Variants in PRLR observed in about 807,000 individuals in gnomAD.
The protein encoded by PRLR is prolactin receptor.
In PRLR, 13 loss-of-function variants were observed where a neutral mutation model predicts 40.2. The ratio of observed to expected loss-of-function variants is 0.32; its 90% CI spans 0.21 to 0.51. The LOEUF (loss-of-function observed/expected upper bound fraction) is 0.51. PRLR is among the 20% of genes least tolerant of loss of function. The pLI is 0.97. For synonymous variants in PRLR, 269 were observed against 278.7 expected (o/e 0.97, Z 0.35); for missense variants, 656 against 747.3 (o/e 0.88, Z 1.42).
chr5:35,074,392 G>A (rs1363437093), intron 5 of PRLR, among the ~76,000 whole-genome samples: 1 of 151,736 alleles, frequency 6.6e-6, no homozygotes, highest in African/African-American at 2.4e-5. Context: ...AATCTGGGAG[G>A]CAGAGGTTGC....
chr5:35,116,435 G>T (rs1342955652), intron 2 of PRLR, among the ~76,000 whole-genome samples: 1 of 152,184 alleles, frequency 6.6e-6, no homozygotes, highest in Non-Finnish European at 1.5e-5. Flanking sequence ...GAGCAATAAT[G>T]TTGTCTATGA....
At chr5:35,087,116 G>C (rs186499197) in intron 3 of PRLR, among the ~76,000 whole-genome samples, 1 of 152,076 alleles carries the variant, frequency 6.6e-6, no homozygotes, top group Admixed American at 6.6e-5. Context: ...TCAGCCTCCT[G>C]AGCAGCTGGG....
chr5:35,069,073 G>T (rs374300486), intron 7 of PRLR, among the ~76,000 whole-genome samples, 195 bp from the exon 8 acceptor site: 2 of 151,990 alleles, frequency 1.3e-5, no homozygotes, highest in African/African-American at 2.4e-5. Flanking sequence ...AATATGTTGC[G>T]TATATTTTAT....
At chr5:35,186,357 C>T (rs1321586310) in intron 1 of PRLR, among the ~76,000 whole-genome samples, 1 of 152,074 alleles carries the variant, frequency 6.6e-6, no homozygotes, top group African/African-American at 2.4e-5. Context: ...GTACACATTC[C>T]CTCTCCTCGA....
At position 35,078,006 on chromosome 5, in the gene PRLR, T is replaced by C. The variant is rs571952994; in HGVS notation, c.374-5262A>G. Among the ~76,000 whole-genome samples the C allele has an allele frequency of 1.2e-3, 183 of 152,196 alleles. 1 individual carries two copies. The highest frequency in any genetic ancestry group is 4.1e-3 in the African/African-American group (170 of 41,514). On this transcript the variant is annotated intron_variant, in intron 5 of 9. Transcript: ENST00000618457. ...AAAGAAAGATGTTCTTTGAAACCAA[T>C]GAGAACAAAGACACAACATACCAGA...
intron 5 of PRLR, among the ~76,000 whole-genome samples, chr5:35,077,592 C>A (rs961957319): frequency 6.6e-6 from 1 of 152,164 alleles, no homozygotes; most frequent in Non-Finnish European, 1.5e-5. Context: ...TAGACTCCCA[C>A]ACAATAATAA....
chr5:35,197,656 G>T (rs1004789759), intron 1 of PRLR, among the ~76,000 whole-genome samples: 3 of 152,208 alleles, frequency 2.0e-5, no homozygotes, highest in Admixed American at 6.5e-5. Flanking sequence ...GGAGGCTGAA[G>T]ATGACCCAAT....
At chr5:35,164,090 G>A (rs1000637882) in intron 1 of PRLR, among the ~76,000 whole-genome samples, 4 of 152,194 alleles carry the variant, frequency 2.6e-5, no homozygotes, top group East Asian at 1.9e-4. Context: ...CGTCAGTCAC[G>A]TCATTTTTGC....
intron 1 of PRLR, among the ~76,000 whole-genome samples, chr5:35,213,813 A>G (rs896388693): frequency 6.6e-6 from 1 of 152,174 alleles, no homozygotes; most frequent in Non-Finnish European, 1.5e-5. Context: ...CACAAAACCC[A>G]TATCATTTCA....
exon 9 of PRLR, chr5:35,048,994 C>A (rs1216467220): frequency 9.1e-6 from 4 of 441,074 alleles, no homozygotes; most frequent in East Asian, 5.6e-5. Flanking sequence ...ACCTGCATAA[C>A]AACCTTTTAC....
intron 5 of PRLR, among the ~76,000 whole-genome samples, chr5:35,073,170 G>GT (rs1358009362): frequency 1.3e-5 from 2 of 152,160 alleles, no homozygotes; most frequent in African/African-American, 2.4e-5. Context: ...GTTACACACA[G>GT]TTTTTTGTAA....
downstream of PRLR, among the ~76,000 whole-genome samples, chr5:35,055,012 G>T (rs1387050935): frequency 6.6e-6 from 1 of 152,106 alleles, no homozygotes; most frequent in East Asian, 1.9e-4. Context: ...GGCAAAATAT[G>T]AATATTTAAA....
intron 1 of PRLR, among the ~76,000 whole-genome samples, chr5:35,128,765 C>T (rs1323652767): frequency 1.3e-5 from 2 of 152,156 alleles, no homozygotes; most frequent in Admixed American, 6.5e-5. Flanking sequence ...TCATTCACCT[C>T]CTCTGAGACT....
Position 35,060,604 on chromosome 5 carries a change from T to G in PRLR, c.*4485A>C, listed in dbSNP as rs985715182. The G allele has an allele frequency of 6.6e-6, 1 of 152,194 alleles. No individual in the cohort carries two copies. The highest frequency in any genetic ancestry group is 2.4e-5 in the African/African-American group (1 of 41,450). 9.4% of individuals were successfully genotyped at this position (152,194 alleles called of 1,614,324 possible). A position where few individuals can be genotyped will look rare whatever the true frequency, so the allele number is the denominator to read the frequency against. Reference sequence around the variant, plus strand: ...TTAAAAGACTCATCCCAGGACATAGTGCCTACTTAGTCGTGGTGATGTGAT... The same window carrying G: ...TTAAAAGACTCATCCCAGGACATAGGGCCTACTTAGTCGTGGTGATGTGAT... On this transcript the variant is annotated 3_prime_UTR_variant, in exon 10 of 10. Coordinates refer to ENST00000618457, the MANE Select transcript of PRLR (RefSeq NM_000949.7).
chr5:35,156,644 T>C (rs985770036), intron 1 of PRLR, among the ~76,000 whole-genome samples: 3 of 152,184 alleles, frequency 2.0e-5, no homozygotes, highest in Non-Finnish European at 4.4e-5. Context: ...CTTATGAACT[T>C]GCTATTCCTG....
intron 2 of PRLR, among the ~76,000 whole-genome samples, chr5:35,093,572 T>C (rs1771354155): frequency 6.6e-6 from 1 of 152,164 alleles, no homozygotes; most frequent in African/African-American, 2.4e-5. Context: ...ACCATTAGGG[T>C]CCAGAAATGG....
At chr5:35,070,406 C>T (rs922063223) in intron 6 of PRLR, 141 bp from the exon 7 acceptor site, 12 of 900,632 alleles carry the variant, frequency 1.3e-5, no homozygotes, top group Non-Finnish European at 2.0e-5. Context: ...CTGTCTTAGC[C>T]CTATCTTTTC....
intron 1 of PRLR, among the ~76,000 whole-genome samples, chr5:35,226,530 C>T (rs552818349): frequency 6.6e-6 from 1 of 152,334 alleles, no homozygotes; most frequent in African/African-American, 2.4e-5. Flanking sequence ...TTCTAAAGGG[C>T]CCATCTTCAG....
intron 2 of PRLR, among the ~76,000 whole-genome samples, chr5:35,112,357 T>TA (rs35136852): frequency 6.6e-6 from 1 of 152,130 alleles, no homozygotes; most frequent in African/African-American, 2.4e-5. Context: ...GTCATCTTAT[T>TA]AAAAAGGCGT....
Sources: gnomAD v4.1 joint callset for allele counts (sites outside exome capture counted in the v4.1 genomes callset) on GRCh38, gnomAD v4.1.1 for gene constraint, MANE v1.5 for transcripts, NCBI Gene and HGNC (gene_info 2026-07-23, HGNC 2026-07-21) for gene names.